Variants in ZNF875 observed in about 807,000 individuals in gnomAD.
The protein encoded by ZNF875 is zinc finger protein 875, also known as HKR1, GLI-Kruppel zinc finger family member.
A neutral mutation model predicts 11.2 loss-of-function variants in ZNF875; 14 were observed. The ratio of observed to expected loss-of-function variants is 1.26; its 90% CI spans 0.83 to 1.96. ZNF875 has a LOEUF of 1.96. Among genes scored for constraint, ZNF875 ranks in the 30% most tolerant of loss-of-function variants. The pLI, the probability that ZNF875 is intolerant of heterozygous loss-of-function variation, is 0.00. For missense variants in ZNF875, 752 were observed against 760.4 expected, an observed-to-expected ratio of 0.99 and a Z score of 0.13; for synonymous variants, 301 against 281.1, an observed-to-expected ratio of 1.07 and a Z score of -0.71.
chr19:37,347,096 C>T (rs1158355525), intron 2 of ZNF875, 94 bp from the exon 3 acceptor site: 3 of 1,561,040 alleles, frequency 1.9e-6, no homozygotes, highest in African/African-American at 2.7e-5. Flanking sequence ...GGATTACAGG[C>T]ATGAACCACC....
At position 37,363,962 on chromosome 19, in the gene ZNF875, G is replaced by C; in HGVS notation, c.*187G>C. The C allele has an allele frequency of 1.7e-6, 1 of 580,790 alleles. No homozygotes were observed. Among genetic ancestry groups the C allele is most frequent in the Non-Finnish European group, 3.1e-6 (1 of 325,804 alleles). The allele number at this position is 580,790 out of a possible 1,614,324, so 36.0% of individuals were successfully genotyped here. ...CTTGTATCTCCATCCACCTGAAGGA[G>C]AATTGCTGGCTCATTTTCAGGAGCC... On this transcript the variant is annotated 3_prime_UTR_variant, in exon 5 of 5. Coordinates refer to ENST00000392153, the MANE Select transcript of ZNF875 (RefSeq NM_001353803.2).
chr19:37,328,208 C>T (rs944074181), intron 4 of ZNF875, among the ~76,000 whole-genome samples: 8 of 152,202 alleles, frequency 5.3e-5, no homozygotes, highest in African/African-American at 1.9e-4. Flanking sequence ...CATTGCACTC[C>T]AGCCTGGTTA....
At chr19:37,351,692 T>C (rs1001379117) in intron 4 of ZNF875, among the ~76,000 whole-genome samples, 2 of 152,246 alleles carry the variant, frequency 1.3e-5, no homozygotes, top group African/African-American at 4.8e-5. Flanking sequence ...AGAAGTGAGC[T>C]GCTTAATTTC....
intron 4 of ZNF875, among the ~76,000 whole-genome samples, chr19:37,360,686 TCATCCCA>T (rs2039746064): frequency 6.6e-6 from 1 of 151,958 alleles, no homozygotes; most frequent in South Asian, 2.1e-4. Context: ...TCTCTTTCTT[TCATCCCA>T]CTATGTTGCC....
intron 2 of ZNF875, chr19:37,344,805 T>C: frequency 7.7e-7 from 1 of 1,304,822 alleles, no homozygotes; most frequent in Non-Finnish European, 1.1e-6. Context: ...GTAACACTAA[T>C]TGCTCTGTGA....
intron 2 of ZNF875, among the ~76,000 whole-genome samples, chr19:37,322,943 A>G (rs2031758654): frequency 6.6e-6 from 1 of 152,110 alleles, no homozygotes. Context: ...ACCTCCACGA[A>G]AATCTGGAGC....
At chr19:37,331,160 C>G (rs1013819911), upstream of ZNF875, among the ~76,000 whole-genome samples, 4 of 131,356 alleles carry the variant, frequency 3.0e-5, no homozygotes, top group South Asian at 1.0e-3. Flanking sequence ...GCACTCCAGC[C>G]TGGGCGACAG....
chr19:37,357,996 A>G (rs760348161), intron 4 of ZNF875: 7 of 398,316 alleles, frequency 1.8e-5, no homozygotes, highest in Non-Finnish European at 2.7e-5. Context: ...ATTCAGTATG[A>G]AGTTGGCTGT....
At position 37,363,133 on chromosome 19, in the gene ZNF875, TG is replaced by T; in HGVS notation, c.1284del (p.Arg429ValfsTer33). The part of the protein sequence containing the change: ...GEKPYVCTEC[G>X]RHFSWKSNLK... ...AGAAGCCTTATGTATGCACAGAATG[TG>T]GGCGTCACTTTAGCTGGAAATCAAA... is the stretch of plus-strand genomic sequence containing the variant. On this transcript the variant is annotated frameshift_variant, in exon 5 of 5. Transcript: ENST00000392153. LOFTEE classifies it low-confidence loss of function (END_TRUNC). The T allele has an allele frequency of 6.2e-7, 1 of 1,613,844 alleles. No homozygotes were observed. The highest frequency in any genetic ancestry group is 8.5e-7 in the Non-Finnish European group (1 of 1,179,964).
chr19:37,314,067 A>G (rs149623756), upstream of ZNF875, among the ~76,000 whole-genome samples: 13 of 152,206 alleles, frequency 8.5e-5, no homozygotes, highest in Middle Eastern at 3.4e-3. Context: ...TCATTCATTT[A>G]TATCAAGTCA....
chr19:37,324,901 A>G (rs2032155197), intron 4 of ZNF875: 1 of 152,332 alleles, frequency 6.6e-6, no homozygotes. Context: ...CAGCCCCTGG[A>G]GTAGTTGGGA....
intron 2 of ZNF875, chr19:37,322,336 C>G (rs1329434284): frequency 6.6e-6 from 1 of 152,146 alleles, no homozygotes; most frequent in Admixed American, 6.5e-5. Context: ...CTCATAGATT[C>G]TCAGGGATAT....
chr19:37,354,789 C>G (rs181466639), intron 4 of ZNF875, among the ~76,000 whole-genome samples: 10 of 152,218 alleles, frequency 6.6e-5, no homozygotes, highest in African/African-American at 2.4e-4. Context: ...CTCGTGAGAT[C>G]AAGTTGTTAT....
upstream of ZNF875, among the ~76,000 whole-genome samples, chr19:37,330,208 G>A (rs139200590): frequency 1.2e-4 from 18 of 152,152 alleles, no homozygotes; most frequent in African/African-American, 4.3e-4. Flanking sequence ...ATACAGTGTG[G>A]AATGTTTAAG....
At chr19:37,318,757 G>T (rs1341163505) in intron 1 of ZNF875, among the ~76,000 whole-genome samples, 1 of 151,992 alleles carries the variant, frequency 6.6e-6, no homozygotes, top group African/African-American at 2.4e-5. Flanking sequence ...TCCTGACCTC[G>T]TGATCCTCCC....
At chr19:37,313,575 TC>T (rs2030053463), upstream of ZNF875, among the ~76,000 whole-genome samples, 1 of 152,014 alleles carries the variant, frequency 6.6e-6, no homozygotes, top group South Asian at 2.1e-4. Context: ...CTCATCACTA[TC>T]CCAAAGACCA....
chr19:37,339,695 G>T (rs1207493887), intron 2 of ZNF875, among the ~76,000 whole-genome samples: 2 of 151,662 alleles, frequency 1.3e-5, no homozygotes, highest in Non-Finnish European at 2.9e-5. Context: ...CTCTTGAGTA[G>T]CTGGGATTAC....
rs572926090 is a variant in ZNF875, at chr19:37,340,273, C to T, written c.33+5016C>T. Among the ~76,000 whole-genome samples, 8 of 152,318 alleles carry T rather than the reference C, an allele frequency of 5.3e-5. No individual in the cohort carries two copies. In the South Asian group the frequency reaches 6.2e-4, roughly 12 times the overall value. On this transcript the variant is annotated intron_variant, in intron 2 of 4. Transcript: ENST00000392153. Reference sequence around the variant, plus strand: ...CTGGGATTACAGGTGTGAGCCACCACGCCCAGCCCTACTGTACAACTTTTA... The same window carrying T: ...CTGGGATTACAGGTGTGAGCCACCATGCCCAGCCCTACTGTACAACTTTTA...
At position 37,359,186 on chromosome 19, in the gene ZNF875, G is replaced by A. The variant is rs907623356; in HGVS notation, c.257-2923G>A. ...AGTGCTGGGATTACAGGCGTGAACC[G>A]CCGCACCTGGCCTGTGTGTGTACAG... On this transcript the variant is annotated intron_variant, in intron 4 of 4. Coordinates refer to ENST00000392153, the MANE Select transcript of ZNF875 (RefSeq NM_001353803.2). Among the ~76,000 whole-genome samples the A allele has an allele frequency of 5.9e-5, 9 of 151,272 alleles. No individual in the cohort carries two copies. In the South Asian group the frequency reaches 1.7e-3, roughly 28 times the overall value.
Sources: gnomAD v4.1 joint callset for allele counts (sites outside exome capture counted in the v4.1 genomes callset) on GRCh38, gnomAD v4.1.1 for gene constraint, MANE v1.5 for transcripts, NCBI Gene and HGNC (gene_info 2026-07-23, HGNC 2026-07-21) for gene names.